The following LIPF variants were observed in gnomAD, a reference collection of about 807,000 sequenced individuals.
LIPF encodes lipase F, gastric type, also known as gastric triacylglycerol lipase.
Under a neutral mutation model 38.0 loss-of-function variants are expected in LIPF, and 25 were observed. The observed-to-expected ratio is 0.66, with a 90% CI of 0.48 to 0.92. The LOEUF is 0.92. Among genes scored for constraint, LIPF ranks in the 40% least tolerant of loss-of-function variants. The pLI is 0.00. For synonymous variants in LIPF, 161 were observed against 156.2 expected (o/e 1.03, Z -0.23); for missense variants, 410 against 469.9 (o/e 0.87, Z 1.18).
Position 88,671,830 on chromosome 10 carries a change from T to A in LIPF, c.534T>A (p.Gly178=). The A allele has an allele frequency of 6.2e-7, 1 of 1,609,346 alleles. No homozygotes were observed. Among genetic ancestry groups the A allele is most frequent in the Non-Finnish European group, 8.5e-7 (1 of 1,178,452 alleles). Reference sequence around the variant, plus strand: ...CACCAGTTCCTTGTTCTTTTTCAGGTTTTATTGCCTTTTCCACCAATCCCA... The same window carrying A: ...CACCAGTTCCTTGTTCTTTTTCAGGATTTATTGCCTTTTCCACCAATCCCA... The part of the protein sequence containing the change: ...YVGHSQGTTI[G]FIAFSTNPSL... Residue 178 remains glycine (G), a splice_region_variant and synonymous_variant, in exon 6 of 10, where the codon GGT becomes GGA. Transcript: ENST00000238983.
chr10:88,667,657 C>A lies in LIPF; in HGVS notation c.194C>A (p.Pro65His), dbSNP rs1841533624. 8 of 1,557,046 alleles carry A rather than the reference C, an allele frequency of 5.1e-6. No homozygotes were observed. The highest frequency in any genetic ancestry group is 6.2e-6 in the Non-Finnish European group (7 of 1,129,998). Residue 65 changes from proline (P) to histidine (H), a missense_variant, in exon 3 of 10, where the codon CCT becomes CAT. Coordinates refer to ENST00000238983, the MANE Select transcript of LIPF (RefSeq NM_004190.4). Reference protein sequence around the residue: ...DGYILEVNRIPYGKKNSGNTG... With the variant: ...DGYILEVNRIHYGKKNSGNTG... ...TATATTCTTGAAGTCAATAGAATTC[C>A]TTATGGGAAGAAAAATTCAGGGAAT...
Position 88,678,695 on chromosome 10 carries a change from G to T in LIPF, c.*14G>T, listed in dbSNP as rs200437515. On this transcript the variant is annotated 3_prime_UTR_variant, in exon 10 of 10. Transcript: ENST00000238983. ...GATAAAAAGTAGTTCTGGATTTAAA[G>T]AATTATCCGTTTGTTTTTCCAAAAT... 1.3e-6 allele frequency: 2 copies of T among 1,540,072 alleles called. No individual in the cohort carries two copies. Among genetic ancestry groups the T allele is most frequent in the East Asian group, 2.2e-5 (1 of 44,468 alleles).
At chr10:88,665,737 ATTTTTTTTTTT>A in intron 1 of LIPF, among the ~76,000 whole-genome samples, 1 of 100,242 alleles carries the variant, frequency 1.0e-5, no homozygotes, top group East Asian at 3.1e-4. Context: ...TTAAAAACTG[ATTTTTTTTTTT>A]TTTTTTTTTT....
rs1221543182 is a variant in LIPF, at chr10:88,672,660, ACACACACACACT to A, written c.669+697_669+708del. Among the ~76,000 whole-genome samples, 229 of 125,576 alleles carry A rather than the reference ACACACACACACT, an allele frequency of 1.8e-3. 1 individual carries two copies. The highest frequency in any genetic ancestry group is 8.4e-3 in the East Asian group (35 of 4,186). 82.4% of individuals were successfully genotyped at this position (125,576 alleles called of 152,430 possible). Reference sequence around the variant, plus strand: ...CACACACACACACACACACACACACACACACACACACTCTCTCTCTCTCTCTCTCTCTTTCCT... The same window carrying A: ...CACACACACACACACACACACACACACTCTCTCTCTCTCTCTCTCTTTCCT... On this transcript the variant is annotated intron_variant, in intron 6 of 9. Transcript: ENST00000238983.
At chr10:88,665,667 G>T in intron 1 of LIPF, 1 of 752,812 alleles carries the variant, frequency 1.3e-6, no homozygotes, top group South Asian at 1.5e-5. Context: ...AACACTACTG[G>T]TTAGTCTTTA....
chr10:88,668,621 A>C lies in LIPF; in HGVS notation c.287A>C (p.Asn96Thr). The stretch of plus-strand genomic sequence containing the variant: ...GCATCAGCCACAAACTGGATTTCCA[A>C]CCTGCCGAACAACAGCCTTGCCTTC... ...LLASATNWIS[N>T]LPNNSLAFIL... Residue 96 changes from asparagine to threonine, a missense_variant, in exon 4 of 10, where the codon AAC becomes ACC. Transcript: ENST00000238983. 1 of 1,614,178 alleles carries C rather than the reference A, an allele frequency of 6.2e-7. No homozygotes were observed.
chr10:88,667,434 C>A, intron 2 of LIPF, 32 bp downstream of exon 2: 1 of 1,254,532 alleles, frequency 8.0e-7, no homozygotes, highest in Non-Finnish European at 1.2e-6. Context: ...CTCTATAAAA[C>A]TAAAAGATGC....
intron 1 of LIPF, 29 bp from the exon 2 acceptor site, chr10:88,667,258 C>T: frequency 8.1e-7 from 1 of 1,240,846 alleles, no homozygotes; most frequent in South Asian, 1.2e-5. Context: ...AATGGATTAA[C>T]CATGGCACGG....
chr10:88,675,354 A>C, intron 7 of LIPF: 1 of 449,760 alleles, frequency 2.2e-6, no homozygotes. Flanking sequence ...CATGTTGATA[A>C]AATGGAACTA....
intron 9 of LIPF, among the ~76,000 whole-genome samples, 164 bp downstream of exon 9, chr10:88,676,444 C>T (rs1432444): frequency 0.53 from 79,858 of 151,990 alleles, 22,559 homozygotes; most frequent in African/African-American, 0.74. Flanking sequence ...CTGGTGGCTA[C>T]GCTCATTTAA....
chr10:88,678,203 C>G (rs1226719843), intron 9 of LIPF, among the ~76,000 whole-genome samples: 1 of 152,206 alleles, frequency 6.6e-6, no homozygotes, highest in Non-Finnish European at 1.5e-5. Context: ...TCTACTGAAA[C>G]AGAATTTTTA....
Position 88,668,626 on chromosome 10 carries a change from C to T in LIPF, c.292C>T (p.Pro98Ser), listed in dbSNP as rs771681636. The change falls in exon 4 of 10, where the codon CCG (proline) becomes TCG (serine). Residue 98 changes from proline to serine, a missense_variant. Transcript: ENST00000238983. ...ASATNWISNL[P>S]NNSLAFILAD... ...AGCCACAAACTGGATTTCCAACCTG[C>T]CGAACAACAGCCTTGCCTTCATTCT... The T allele has an allele frequency of 1.2e-6, 2 of 1,614,202 alleles. No homozygotes were observed. Among genetic ancestry groups the T allele is most frequent in the South Asian group, 2.2e-5 (2 of 91,084 alleles).
rs563247036 is a variant in LIPF at position 88,668,016 on chromosome 10, A to C, written c.223+330A>C. On this transcript the variant is annotated intron_variant, in intron 3 of 9. Coordinates refer to ENST00000238983, the MANE Select transcript of LIPF (RefSeq NM_004190.4). ...TAAAATTACCTAACTCAGCTAAGGG[A>C]GTCAAGGAAAGCTCACTCTCAGAAA... 2.8e-4 allele frequency among the ~76,000 whole-genome samples: 43 copies of C among 152,290 alleles called. 1 individual carries two copies. In the South Asian group the frequency reaches 8.7e-3, roughly 31 times the overall value.
intron 2 of LIPF, 83 bp downstream of exon 2, chr10:88,667,485 C>CAATT: frequency 9.7e-7 from 1 of 1,034,786 alleles, no homozygotes; most frequent in Non-Finnish European, 1.5e-6. Flanking sequence ...TTTATATGAC[C>CAATT]AATTAAAAAT....
Position 88,665,737 on chromosome 10 carries a change from A to ATTTTTTTTTTTTTT in LIPF, c.-12+1257_-12+1270dup, listed in dbSNP as rs68081693. Among the ~76,000 whole-genome samples, 154 of 100,240 alleles carry ATTTTTTTTTTTTTT rather than the reference A, an allele frequency of 1.5e-3. 6 individuals are homozygous for ATTTTTTTTTTTTTT. The highest frequency in any genetic ancestry group is 0.014 in the Middle Eastern group (2 of 144). 65.8% of individuals were successfully genotyped at this position (100,240 alleles called of 152,430 possible). ...AAAAACAAGGCTTAGTTAAAAACTG[A>ATTTTTTTTTTTTTT]TTTTTTTTTTTTTTTTTTTTTTTTG... On this transcript the variant is annotated intron_variant, in intron 1 of 9. Transcript: ENST00000238983.
At chr10:88,670,129 C>G (rs539132359) in intron 5 of LIPF, among the ~76,000 whole-genome samples, 183 bp downstream of exon 5, 9 of 152,114 alleles carry the variant, frequency 5.9e-5, no homozygotes, top group Admixed American at 3.3e-4. Flanking sequence ...GGATACAGTT[C>G]GTGCAAGGTT....
intron 1 of LIPF, chr10:88,665,410 A>C (rs749984231): frequency 3.6e-5 from 25 of 686,352 alleles, no homozygotes; most frequent in Non-Finnish European, 6.1e-5. Context: ...TTTCACGTAT[A>C]CCATGTTGAA....
At chr10:88,664,873 G>T (rs908679078) in intron 1 of LIPF, among the ~76,000 whole-genome samples, 1 of 152,156 alleles carries the variant, frequency 6.6e-6, no homozygotes, top group Non-Finnish European at 1.5e-5. Flanking sequence ...GTATTAATAT[G>T]CTATGTTTAA....
intron 6 of LIPF, among the ~76,000 whole-genome samples, chr10:88,672,854 A>G (rs1841625603): frequency 6.6e-6 from 1 of 152,214 alleles, no homozygotes; most frequent in Non-Finnish European, 1.5e-5. Context: ...AACTTTTATT[A>G]AAATCTAAAA....
Sources: allele counts gnomAD v4.1 joint callset (sites outside exome capture counted in the v4.1 genomes callset), GRCh38; gene constraint gnomAD v4.1.1; transcripts MANE v1.5; gene names NCBI Gene and HGNC (gene_info 2026-07-23, HGNC 2026-07-21).